HTR2A: variants seen among roughly 807,000 people sequenced by gnomAD.
HTR2A encodes 5-hydroxytryptamine receptor 2A.
A neutral mutation model predicts 31.0 loss-of-function variants in HTR2A; 14 were observed. The ratio of observed to expected loss-of-function variants is 0.45; its 90% CI spans 0.30 to 0.71. The LOEUF (loss-of-function observed/expected upper bound fraction) is 0.71. Among genes scored for constraint, HTR2A ranks in the 30% least tolerant of loss-of-function variants. The pLI is 0.09. For missense variants in HTR2A, 442 were observed against 573.3 expected, an observed-to-expected ratio of 0.77 and a Z score of 2.34; for synonymous variants, 209 against 225.2, an observed-to-expected ratio of 0.93 and a Z score of 0.64.
intron 2 of HTR2A, among the ~76,000 whole-genome samples, chr13:46,893,180 T>G (rs1283097999): frequency 6.6e-6 from 1 of 152,208 alleles, no homozygotes; most frequent in Non-Finnish European, 1.5e-5. Context: ...AACTCAAATT[T>G]GGGGTATGTG....
At chr13:46,893,228 A>G (rs1885883) in intron 2 of HTR2A, among the ~76,000 whole-genome samples, 151,883 of 152,328 alleles carry the variant, frequency 1, 75,720 homozygotes, top group Middle Eastern at 1. Flanking sequence ...AAAAATAAAG[A>G]AAGGTGTCCT....
intron 3 of HTR2A, among the ~76,000 whole-genome samples, chr13:46,887,205 G>A (rs1176719095): frequency 2.6e-5 from 4 of 152,032 alleles, no homozygotes; most frequent in Non-Finnish European, 4.4e-5. Context: ...GGATCATGAG[G>A]TCAGTAGATC....
intron 3 of HTR2A, among the ~76,000 whole-genome samples, chr13:46,839,388 G>C (rs762068769): frequency 2.0e-4 from 30 of 152,114 alleles, no homozygotes; most frequent in Non-Finnish European, 4.1e-4. Flanking sequence ...ACATAGATAG[G>C]CTTTGTGGGT....
chr13:46,883,740 T>C (rs1326151033), intron 3 of HTR2A, among the ~76,000 whole-genome samples: 1 of 152,106 alleles, frequency 6.6e-6, no homozygotes, highest in Non-Finnish European at 1.5e-5. Flanking sequence ...AGTAGGTTTA[T>C]AAAGGGAAAA....
Position 46,833,047 on chromosome 13 carries a change from T to C in HTR2A, c.*1790A>G, listed in dbSNP as rs1295165821. 6.6e-6 allele frequency: 1 copy of C among 152,214 alleles called. No homozygotes were observed. Among genetic ancestry groups the C allele is most frequent in the Non-Finnish European group, 1.5e-5 (1 of 68,044 alleles). 9.4% of individuals were successfully genotyped at this position (152,214 alleles called of 1,614,324 possible). ...GGAGCCCAGTGTCAATGAGTAATACTGAAATGAGTGAGTTTTTGGAGAAAT... is the reference window on the plus strand; with the variant it reads ...GGAGCCCAGTGTCAATGAGTAATACCGAAATGAGTGAGTTTTTGGAGAAAT... On this transcript the variant is annotated 3_prime_UTR_variant, in exon 4 of 4. Transcript: ENST00000542664.
chr13:46,831,794 G>A lies in HTR2A; in HGVS notation c.*3043C>T, dbSNP rs916992633. 8.5e-5 allele frequency: 13 copies of A among 152,310 alleles called. No individual in the cohort carries two copies. The highest frequency in any genetic ancestry group is 7.2e-4 in the Admixed American group (11 of 15,304). 9.4% of individuals were successfully genotyped at this position (152,310 alleles called of 1,614,324 possible). On this transcript the variant is annotated 3_prime_UTR_variant, in exon 4 of 4. Transcript: ENST00000542664. Reference sequence around the variant, plus strand: ...CTTTAAAAAATTACCATGAGATGGCGCTGTGGCCAAGTAAATGCAGTATGC... The same window carrying A: ...CTTTAAAAAATTACCATGAGATGGCACTGTGGCCAAGTAAATGCAGTATGC...
intron 3 of HTR2A, among the ~76,000 whole-genome samples, chr13:46,854,942 A>G (rs1950720544): frequency 6.6e-6 from 1 of 152,202 alleles, no homozygotes; most frequent in African/African-American, 2.4e-5. Flanking sequence ...ACTACGACTG[A>G]ACTTATAAAA....
In HTR2A at chr13:46,889,449, T is replaced by G. The variant is rs561173506; in HGVS notation, c.613+2941A>C. Among the ~76,000 whole-genome samples, 4 of 152,310 alleles carry G rather than the reference T, an allele frequency of 2.6e-5. No individual in the cohort carries two copies. The East Asian group carries it at 7.7e-4, about 29-fold the overall frequency. On this transcript the variant is annotated intron_variant, in intron 3 of 3. Coordinates refer to ENST00000542664, the MANE Select transcript of HTR2A (RefSeq NM_000621.5). The stretch of plus-strand genomic sequence containing the variant: ...CCTCTCAAAAACATGTAATTTCTAC[T>G]TAAAGACTTCAAGACTTAGGGAAAG...
chr13:46,841,786 CT>C (rs1566300347), intron 3 of HTR2A, among the ~76,000 whole-genome samples: 1 of 152,136 alleles, frequency 6.6e-6, no homozygotes, highest in Non-Finnish European at 1.5e-5. Flanking sequence ...TGAATTCTGG[CT>C]TGTAGATGGG....
At chr13:46,837,040 T>C (rs1197640765) in intron 3 of HTR2A, among the ~76,000 whole-genome samples, 1 of 152,176 alleles carries the variant, frequency 6.6e-6, no homozygotes, top group Admixed American at 6.5e-5. Flanking sequence ...CATGGGCCTA[T>C]ATGGTTCATT....
At chr13:46,887,293 G>T (rs1204552778) in intron 3 of HTR2A, among the ~76,000 whole-genome samples, 1 of 151,734 alleles carries the variant, frequency 6.6e-6, no homozygotes, top group Non-Finnish European at 1.5e-5. Context: ...TGTGGTGGCG[G>T]GCGCCTGTAG....
At position 46,833,971 on chromosome 13, in the gene HTR2A, A is replaced by G. The variant is rs1453322458; in HGVS notation, c.*866T>C. 6.6e-6 allele frequency: 1 copy of G among 152,230 alleles called. No homozygotes were observed. The highest frequency in any genetic ancestry group is 2.4e-5 in the African/African-American group (1 of 41,466). 9.4% of individuals were successfully genotyped at this position (152,230 alleles called of 1,614,324 possible). A position where few individuals can be genotyped will look rare whatever the true frequency, so the allele number is the denominator to read the frequency against. On this transcript the variant is annotated 3_prime_UTR_variant, in exon 4 of 4. Transcript: ENST00000542664. The stretch of plus-strand genomic sequence containing the variant: ...ATACATTTACTGCTCAAAAGAGTGC[A>G]TGCATGATGCAGTCATTTCACAGCA...
At chr13:46,846,761 A>C (rs1950646039) in intron 3 of HTR2A, among the ~76,000 whole-genome samples, 1 of 152,208 alleles carries the variant, frequency 6.6e-6, no homozygotes, top group Non-Finnish European at 1.5e-5. Context: ...TGTGGGAAGA[A>C]GGGTGGTCAT....
chr13:46,894,798 C>T (rs1951088522), intron 2 of HTR2A, among the ~76,000 whole-genome samples: 1 of 152,182 alleles, frequency 6.6e-6, no homozygotes, highest in Non-Finnish European at 1.5e-5. Flanking sequence ...AGATTAATCC[C>T]TTCCCATTTG....
At chr13:46,843,062 G>A (rs557162991) in intron 3 of HTR2A, among the ~76,000 whole-genome samples, 2 of 152,268 alleles carry the variant, frequency 1.3e-5, no homozygotes, top group South Asian at 4.1e-4. Context: ...TTGGTACAGT[G>A]GATCCATGCT....
rs765936117 is a variant in HTR2A at position 46,895,858 on chromosome 13, A to T, written c.49T>A (p.Ser17Thr). 1 of 1,612,928 alleles carries T rather than the reference A, an allele frequency of 6.2e-7. No homozygotes were observed. Among genetic ancestry groups the T allele is most frequent in the Non-Finnish European group, 8.5e-7 (1 of 1,179,556 alleles). Residue 17 changes from serine to threonine, a missense_variant, in exon 2 of 4, where the codon TCC becomes ACC. This residue lies in a region of HTR2A where 83 missense variants were observed against 84.8 expected (regional missense o/e 0.98). Transcript: ENST00000542664. This position sits in a 1 kb window ranked among gnomAD's most constrained non-coding sequence, Gnocchi z 4.4. ...GTGTCATCATTTAATTGCATTAGGG[A>T]GTTCGTAGTTGAGCTCAAAGAAGTA... ...ENTSLSSTTN[S>T]LMQLNDDTRL...
At chr13:46,850,281 ATACT>A (rs1198365034) in intron 3 of HTR2A, among the ~76,000 whole-genome samples, 9 of 152,202 alleles carry the variant, frequency 5.9e-5, no homozygotes, top group African/African-American at 2.2e-4. Context: ...ACACAATCAA[ATACT>A]TACATGGTGC....
At chr13:46,873,031 C>T (rs1325954776) in intron 3 of HTR2A, among the ~76,000 whole-genome samples, 1 of 152,212 alleles carries the variant, frequency 6.6e-6, no homozygotes, top group African/African-American at 2.4e-5. Flanking sequence ...AGCCACCGCA[C>T]CCGGCCACTG....
rs1950711443 is a variant in HTR2A, at chr13:46,853,981, T to A, written c.614-18342A>T. 2.0e-5 allele frequency: 3 copies of A among 152,306 alleles called. No homozygotes were observed. In the South Asian group the frequency reaches 6.2e-4, roughly 32 times the overall value. The allele number at this position is 152,306 out of a possible 1,614,324, so 9.4% of individuals were successfully genotyped here. On this transcript the variant is annotated intron_variant, in intron 3 of 3. Coordinates refer to ENST00000542664, the MANE Select transcript of HTR2A (RefSeq NM_000621.5). ...TACAGTTCCAGTTAGTCTACTTTTG[T>A]AACAGGACCTGACAACTCCACTCTA...
Sources: allele counts gnomAD v4.1 joint callset (sites outside exome capture counted in the v4.1 genomes callset), GRCh38; gene constraint gnomAD v4.1.1; regional missense constraint gnomAD v4.1.1; non-coding constraint Gnocchi (gnomAD v3.1); transcripts MANE v1.5; gene names NCBI Gene and HGNC (gene_info 2026-07-23, HGNC 2026-07-21).